Variants in IQSEC1 observed in about 807,000 individuals in gnomAD.
The protein encoded by IQSEC1 is IQ motif and SEC7 domain-containing protein 1.
In IQSEC1, 31 loss-of-function variants were observed where a neutral mutation model predicts 91.0. The observed-to-expected ratio is 0.34, with a 90% CI of 0.26 to 0.46. IQSEC1 has a LOEUF of 0.46. Among genes scored for constraint, IQSEC1 ranks in the 20% least tolerant of loss-of-function variants. The pLI, the probability that IQSEC1 is intolerant of heterozygous loss-of-function variation, is 1.00. For missense variants in IQSEC1, 1,388 were observed against 1,575.6 expected (o/e 0.88, Z 2.02); for synonymous variants, 699 against 662.6 (o/e 1.05, Z -0.84).
In IQSEC1 at chr3:13,259,473, G is replaced by C. The variant is rs1056869855; in HGVS notation, c.272+23238C>G. Among the ~76,000 whole-genome samples the C allele has an allele frequency of 8.5e-5, 13 of 152,056 alleles. No homozygotes were observed. Among genetic ancestry groups the C allele is most frequent in the African/African-American group, 3.1e-4 (13 of 41,412 alleles). On this transcript the variant is annotated intron_variant, in intron 1 of 15. Coordinates refer to the IQSEC1 transcript ENST00000648114. This position sits in a 1 kb window ranked among gnomAD's most constrained non-coding sequence, Gnocchi z 4.6. ...TGGCGGGTGAGATAGCACTGTCATCGCCGGCCACGTCCTCATTTCCAGAAG... is the reference window on the plus strand; with the variant it reads ...TGGCGGGTGAGATAGCACTGTCATCCCCGGCCACGTCCTCATTTCCAGAAG...
intron 1 of IQSEC1, among the ~76,000 whole-genome samples, chr3:13,248,978 C>T (rs1322632370): frequency 6.9e-6 from 1 of 144,102 alleles, no homozygotes; most frequent in East Asian, 2.0e-4. Context: ...CAGACACTCT[C>T]GCCCCAGTCC....
chr3:13,069,080 T>C (rs387779), intron 1 of IQSEC1, among the ~76,000 whole-genome samples: 123,529 of 152,166 alleles, frequency 0.81, 50,713 homozygotes, highest in East Asian at 1. Context: ...GCCCAGTGGC[T>C]TCCTGGGGCT....
At chr3:13,133,143 C>T (rs535533619) in intron 2 of IQSEC1, among the ~76,000 whole-genome samples, 1 of 152,344 alleles carries the variant, frequency 6.6e-6, no homozygotes, top group East Asian at 1.9e-4. Flanking sequence ...CCCATCACTG[C>T]CCCTCACTCT....
intron 1 of IQSEC1, among the ~76,000 whole-genome samples, chr3:13,032,369 A>G (rs1255572184): frequency 1.3e-5 from 2 of 152,176 alleles, no homozygotes; most frequent in African/African-American, 4.8e-5. Context: ...TGGCCCTGTG[A>G]AAGTGGACAG....
chr3:13,004,573 C>G (rs1702554813), intron 1 of IQSEC1, among the ~76,000 whole-genome samples: 1 of 152,188 alleles, frequency 6.6e-6, no homozygotes, highest in South Asian at 2.1e-4. Flanking sequence ...GTCAAACTGT[C>G]TCCACACAGC....
At chr3:13,106,468 T>C (rs1706153967) in intron 2 of IQSEC1, among the ~76,000 whole-genome samples, 1 of 152,228 alleles carries the variant, frequency 6.6e-6, no homozygotes, top group Non-Finnish European at 1.5e-5. Context: ...TTATCTCATG[T>C]AATCCTGAGG....
intron 1 of IQSEC1, among the ~76,000 whole-genome samples, chr3:13,274,997 T>C (rs1420046262): frequency 6.6e-6 from 1 of 152,202 alleles, no homozygotes; most frequent in South Asian, 2.1e-4. Flanking sequence ...CCCAGCGTGG[T>C]GGTGAACTGC....
At chr3:13,048,751 C>T (rs144215489) in intron 1 of IQSEC1, among the ~76,000 whole-genome samples, 1 of 152,322 alleles carries the variant, frequency 6.6e-6, no homozygotes, top group African/African-American at 2.4e-5. Context: ...GCTGGTAGAT[C>T]CTATGTTCAG....
rs767138387 is a variant in IQSEC1, at chr3:12,899,307, G to A, written c.*1676C>T. The A allele has an allele frequency of 2.0e-5, 30 of 1,489,446 alleles. No individual in the cohort carries two copies. Among genetic ancestry groups the A allele is most frequent in the Non-Finnish European group, 2.3e-5 (25 of 1,084,510 alleles). 92.3% of individuals were successfully genotyped at this position (1,489,446 alleles called of 1,614,324 possible). A position where few individuals can be genotyped will look rare whatever the true frequency, so the allele number is the denominator to read the frequency against. ...CACTGGGAACGCGGCCCCGCGGCCC[G>A]CAGAGTCAGGCGTGAGCTTCGCCCT... On this transcript the variant is annotated 3_prime_UTR_variant, in exon 14 of 14. Coordinates refer to ENST00000613206, the MANE Select transcript of IQSEC1 (RefSeq NM_001134382.3).
intron 1 of IQSEC1, among the ~76,000 whole-genome samples, chr3:13,184,157 A>C (rs1177683745): frequency 6.6e-6 from 1 of 152,206 alleles, no homozygotes; most frequent in East Asian, 1.9e-4. Flanking sequence ...TTCCCAACTA[A>C]TGTTATGATG....
In IQSEC1 at chr3:12,967,246, C is replaced by T. The variant is rs1700638252; in HGVS notation, c.24-25381G>A. On this transcript the variant is annotated intron_variant, in intron 1 of 13. Coordinates refer to ENST00000613206, the MANE Select transcript of IQSEC1 (RefSeq NM_001134382.3). This position sits in a 1 kb window ranked among gnomAD's most constrained non-coding sequence, Gnocchi z 5.9. ...AACCCACAGTCTGGCGGACGCACCC[C>T]GCCCCGCAGGCAGCTTTCTCTCGCA... 1 of 677,380 alleles carries T rather than the reference C, an allele frequency of 1.5e-6. No homozygotes were observed. The highest frequency in any genetic ancestry group is 2.0e-5 in the South Asian group (1 of 49,000). 42.0% of individuals were successfully genotyped at this position (677,380 alleles called of 1,614,324 possible).
chr3:13,161,619 G>T (rs1707178125), intron 2 of IQSEC1, among the ~76,000 whole-genome samples: 1 of 152,212 alleles, frequency 6.6e-6, no homozygotes, highest in Non-Finnish European at 1.5e-5. Context: ...GCCTGTGCAT[G>T]ATGGGGACAA....
At chr3:13,200,402 C>CG (rs1694223050) in intron 1 of IQSEC1, among the ~76,000 whole-genome samples, 1 of 152,200 alleles carries the variant, frequency 6.6e-6, no homozygotes, top group Non-Finnish European at 1.5e-5. Flanking sequence ...TCGACTTGAG[C>CG]GGCCTCTCCA....
At chr3:13,106,339 C>A (rs1179796727) in intron 2 of IQSEC1, among the ~76,000 whole-genome samples, 1 of 152,212 alleles carries the variant, frequency 6.6e-6, no homozygotes, top group East Asian at 1.9e-4. Flanking sequence ...TGCTTGGCAG[C>A]TCCTTGGGAC....
chr3:13,072,482 C>T (rs1226779789), intron 1 of IQSEC1, among the ~76,000 whole-genome samples: 1 of 152,240 alleles, frequency 6.6e-6, no homozygotes, highest in Non-Finnish European at 1.5e-5. Context: ...GCCCACAGAA[C>T]ACCTGGGCAC....
intron 1 of IQSEC1, among the ~76,000 whole-genome samples, chr3:13,060,823 C>A (rs1252951193): frequency 1.3e-5 from 2 of 152,208 alleles, no homozygotes; most frequent in African/African-American, 2.4e-5. Context: ...ACCCAGAGAA[C>A]CAAGACTCAG....
chr3:13,250,347 T>C (rs1341386367), intron 1 of IQSEC1, among the ~76,000 whole-genome samples: 2 of 151,432 alleles, frequency 1.3e-5, no homozygotes, highest in Admixed American at 6.6e-5. Flanking sequence ...CCTGGTGCAA[T>C]AGCCGCGGGA....
chr3:13,204,628 G>C (rs1694308919), intron 1 of IQSEC1, among the ~76,000 whole-genome samples: 1 of 152,188 alleles, frequency 6.6e-6, no homozygotes. Context: ...TTCCTGGGCG[G>C]AAAAGGCCCA....
intron 1 of IQSEC1, among the ~76,000 whole-genome samples, chr3:13,010,274 A>C (rs949406877): frequency 3.9e-5 from 6 of 152,074 alleles, no homozygotes; most frequent in African/African-American, 1.4e-4. Context: ...AAGACACCCC[A>C]ATTTTCTTTG....
Sources: allele counts gnomAD v4.1 joint callset (sites outside exome capture counted in the v4.1 genomes callset), GRCh38; gene constraint gnomAD v4.1.1; non-coding constraint Gnocchi (gnomAD v3.1); transcripts MANE v1.5; gene names NCBI Gene and HGNC (gene_info 2026-07-23, HGNC 2026-07-21).